MUC7: variants seen among roughly 807,000 people sequenced by gnomAD.
MUC7 encodes mucin 7, secreted, also known as mucin-7.
In MUC7, 2 loss-of-function variants were observed where a neutral mutation model predicts 2.5. The observed-to-expected ratio is 0.81, with a 90% CI of 0.33 to 2.55. MUC7 has a LOEUF of 2.55. Ranked by LOEUF, MUC7 falls within the 30% of genes most tolerant of loss-of-function variation. The pLI is 0.11. For missense variants in MUC7, 408 were observed against 455.6 expected, an observed-to-expected ratio of 0.90 and a Z score of 0.95; for synonymous variants, 133 against 173.4, an observed-to-expected ratio of 0.77 and a Z score of 1.83.
chr4:70,435,516 G>A (rs576643389), intron 1 of MUC7, among the ~76,000 whole-genome samples: 27 of 152,290 alleles, frequency 1.8e-4, no homozygotes, highest in Non-Finnish European at 3.2e-4. Flanking sequence ...CAGAGACTAG[G>A]ATTGCAACCC....
At chr4:70,450,481 CCTTTGCTTTTCCCTCTGCTTTT>C (rs1734253769) in intron 1 of MUC7, among the ~76,000 whole-genome samples, 1 of 152,294 alleles carries the variant, frequency 6.6e-6, no homozygotes, top group African/African-American at 2.4e-5. Flanking sequence ...GATGAAGTCT[CCTTTGCTTTTCCCTCTGCTTTT>C]CTTAAGCAGG....
chr4:70,465,629 A>C (rs1236331681), intron 1 of MUC7, among the ~76,000 whole-genome samples: 1 of 152,190 alleles, frequency 6.6e-6, no homozygotes, highest in African/African-American at 2.4e-5. Flanking sequence ...AAATCGATCA[A>C]GCAAAAGAAA....
intron 1 of MUC7, among the ~76,000 whole-genome samples, chr4:70,440,154 C>T (rs1304407087): frequency 1.3e-5 from 2 of 152,140 alleles, no homozygotes; most frequent in Non-Finnish European, 2.9e-5. Context: ...TGTTTCCTCT[C>T]ATTTCTCTGA....
At chr4:70,462,852 G>C (rs1044828380) in intron 1 of MUC7, among the ~76,000 whole-genome samples, 4 of 152,024 alleles carry the variant, frequency 2.6e-5, no homozygotes, top group African/African-American at 9.7e-5. Flanking sequence ...CATGCCTGTA[G>C]TCCCAGCAGG....
chr4:70,470,365 C>T (rs1240106303), upstream of MUC7, among the ~76,000 whole-genome samples: 2 of 152,086 alleles, frequency 1.3e-5, no homozygotes, highest in African/African-American at 4.8e-5. Flanking sequence ...ATGTAACAAA[C>T]CTGCACATTC....
At chr4:70,450,270 A>G (rs896968820) in intron 1 of MUC7, among the ~76,000 whole-genome samples, 2 of 152,058 alleles carry the variant, frequency 1.3e-5, no homozygotes, top group African/African-American at 4.8e-5. Flanking sequence ...ACTACCACCA[A>G]TGTTTCCAAG....
At chr4:70,464,059 TC>T (rs1384285887) in intron 1 of MUC7, among the ~76,000 whole-genome samples, 1 of 152,148 alleles carries the variant, frequency 6.6e-6, no homozygotes, top group African/African-American at 2.4e-5. Context: ...CTGGCTCATC[TC>T]ATTGGGACTG....
At chr4:70,460,560 C>T (rs1188226963) in intron 1 of MUC7, among the ~76,000 whole-genome samples, 1 of 151,426 alleles carries the variant, frequency 6.6e-6, no homozygotes, top group Non-Finnish European at 1.5e-5. Flanking sequence ...CCGGTGGGGT[C>T]ACTTCTTACA....
At chr4:70,465,713 GAACA>G (rs1734667441) in intron 1 of MUC7, among the ~76,000 whole-genome samples, 2 of 151,972 alleles carry the variant, frequency 1.3e-5, no homozygotes, top group Non-Finnish European at 2.9e-5. Context: ...GAATAAAAAG[GAACA>G]AACAAAGCCT....
Position 70,481,764 on chromosome 4 carries a change from A to G in MUC7, c.1020A>G (p.Gln340=), listed in dbSNP as rs754809105. The G allele has an allele frequency of 5.1e-5, 83 of 1,614,058 alleles. No homozygotes were observed. The highest frequency in any genetic ancestry group is 6.8e-5 in the Non-Finnish European group (80 of 1,180,034). The part of the protein sequence containing the change: ...THQTTTSVTT[Q]TTTTKQPTSA... ...AGACTACTACTTCGGTCACTACTCA[A>G]ACTACTACTACTAAACAACCAACTT... The change falls in exon 3 of 3, where the codon CAA becomes CAG. Residue 340 remains glutamine (Q), a synonymous_variant. Transcript: ENST00000304887.
intron 2 of MUC7, among the ~76,000 whole-genome samples, chr4:70,476,238 T>C (rs1408260052): frequency 6.6e-6 from 1 of 152,184 alleles, no homozygotes; most frequent in Non-Finnish European, 1.5e-5. Flanking sequence ...ATATGCACAG[T>C]GATGTTAACT....
At chr4:70,451,490 G>A (rs892467068) in intron 1 of MUC7, among the ~76,000 whole-genome samples, 9 of 152,160 alleles carry the variant, frequency 5.9e-5, no homozygotes, top group Non-Finnish European at 1.0e-4. Flanking sequence ...TTGTTGGGGG[G>A]TTATGATCAG....
intron 2 of MUC7, among the ~76,000 whole-genome samples, 155 bp downstream of exon 2, chr4:70,474,230 C>T (rs41413148): frequency 0.027 from 4,103 of 152,006 alleles, 192 homozygotes; most frequent in African/African-American, 0.093. Flanking sequence ...GACAATTGGC[C>T]GGTGCACTGG....
intron 1 of MUC7, among the ~76,000 whole-genome samples, chr4:70,438,973 T>G (rs1019667263): frequency 1.3e-5 from 2 of 152,028 alleles, no homozygotes; most frequent in African/African-American, 2.4e-5. Flanking sequence ...AAATACAGCA[T>G]AGAAAAGAAA....
chr4:70,480,280 G>C (rs757451857), intron 2 of MUC7, among the ~76,000 whole-genome samples: 1 of 152,186 alleles, frequency 6.6e-6, no homozygotes, highest in Non-Finnish European at 1.5e-5. Flanking sequence ...CTGAAATATG[G>C]AGAACATGAA....
upstream of MUC7, among the ~76,000 whole-genome samples, chr4:70,467,506 C>T (rs1734711360): frequency 6.6e-6 from 1 of 152,070 alleles, no homozygotes; most frequent in Admixed American, 6.5e-5. Flanking sequence ...AATAGATAGA[C>T]CGCTAGCCAG....
At position 70,481,922 on chromosome 4, in the gene MUC7, T is replaced by C; in HGVS notation, c.*44T>C. 1 of 1,583,372 alleles carries C rather than the reference T, an allele frequency of 6.3e-7. No individual in the cohort carries two copies. ...GTGTTCTGTCATTTACAAGATGTGA[T>C]TCATGAGTGCAGAACTACCACCTTT... On this transcript the variant is annotated 3_prime_UTR_variant, in exon 3 of 3. Coordinates refer to ENST00000304887, the MANE Select transcript of MUC7 (RefSeq NM_152291.3).
chr4:70,432,318 A>G (rs1733694114), intron 1 of MUC7, among the ~76,000 whole-genome samples: 1 of 152,214 alleles, frequency 6.6e-6, no homozygotes, highest in Non-Finnish European at 1.5e-5. Flanking sequence ...TTGAGGAATC[A>G]CCACACTGTC....
Position 70,481,250 on chromosome 4 carries a change from C to T in MUC7, c.506C>T (p.Pro169Leu), listed in dbSNP as rs1446240726. The T allele has an allele frequency of 6.2e-7, 1 of 1,613,948 alleles. No individual in the cohort carries two copies. Among genetic ancestry groups the T allele is most frequent in the African/African-American group, 1.3e-5 (1 of 75,030 alleles). ...GCTCCACAAGACACCACAGCTGCCC[C>T]ACCCACACCTTCTGCAACTACACCA... ...SPAPQDTTAA[P>L]PTPSATTPAP... Residue 169 changes from proline (P) to leucine (L), a missense_variant, in exon 3 of 3, where the codon CCA becomes CTA. Physicochemically the swap from Pro to Leu is moderately conservative, Grantham distance 98. This residue lies in a region of MUC7 where 225 missense variants were observed against 240.5 expected (regional missense o/e 0.94). Coordinates refer to ENST00000304887, the MANE Select transcript of MUC7 (RefSeq NM_152291.3).
Sources: allele counts gnomAD v4.1 joint callset (sites outside exome capture counted in the v4.1 genomes callset), GRCh38; gene constraint gnomAD v4.1.1; regional missense constraint gnomAD v4.1.1; transcripts MANE v1.5; gene names NCBI Gene and HGNC (gene_info 2026-07-23, HGNC 2026-07-21).